The following LANCL3 variants were observed in gnomAD, a reference collection of about 807,000 sequenced individuals.
LANCL3 encodes LanC like family member 3, also known as lanC-like protein 3.
A neutral mutation model predicts 26.5 loss-of-function variants in LANCL3; 19 were observed. That is an observed-to-expected ratio of 0.72 (90% confidence interval 0.50 to 1.05). The LOEUF (loss-of-function observed/expected upper bound fraction) is 1.05. LANCL3 is among the 50% of genes least tolerant of loss of function. LANCL3 has a pLI of 0.00. For missense variants in LANCL3, 318 were observed against 362.7 expected (o/e 0.88, Z 1.00); for synonymous variants, 160 against 166.6 (o/e 0.96, Z 0.30).
At chrX:37,611,601 A>C (rs972940508) in intron 1 of LANCL3, among the ~76,000 whole-genome samples, 2 of 112,004 alleles carry the variant, frequency 1.8e-5, no homozygotes, top group Non-Finnish European at 3.8e-5. Context: ...GAAAGGACTG[A>C]TATAGACCAG....
intron 1 of LANCL3, among the ~76,000 whole-genome samples, chrX:37,632,511 T>G (rs782281759): frequency 0.015 from 1,696 of 111,345 alleles, 32 homozygotes; most frequent in African/African-American, 0.053. Flanking sequence ...GTTAGCTGGT[T>G]ATTTTGCTCG....
intron 1 of LANCL3, among the ~76,000 whole-genome samples, chrX:37,614,608 T>C (rs1187417780): frequency 1.8e-5 from 2 of 112,157 alleles, no homozygotes; most frequent in African/African-American, 6.5e-5. Context: ...ACCATGGTTG[T>C]CACTCTATGG....
At chrX:37,645,095 A>G (rs1024527854) in intron 1 of LANCL3, among the ~76,000 whole-genome samples, 8 of 112,696 alleles carry the variant, frequency 7.1e-5, no homozygotes, top group African/African-American at 2.6e-4. Flanking sequence ...ATCTAGTGAC[A>G]GTTGGTGCAG....
At chrX:37,598,699 TA>T (rs1924503016) in intron 1 of LANCL3, among the ~76,000 whole-genome samples, 1 of 112,727 alleles carries the variant, frequency 8.9e-6, no homozygotes, top group Non-Finnish European at 1.9e-5. Context: ...AAGATATTCA[TA>T]AAACTTTCTT....
chrX:37,597,953 A>G (rs1556419652), intron 1 of LANCL3, among the ~76,000 whole-genome samples: 6 of 110,521 alleles, frequency 5.4e-5, no homozygotes, highest in Admixed American at 9.6e-5. Context: ...CTTATTGGCC[A>G]TTTGCACATC....
At chrX:37,620,510 A>G (rs1181951227) in intron 1 of LANCL3, among the ~76,000 whole-genome samples, 1 of 111,903 alleles carries the variant, frequency 8.9e-6, no homozygotes, top group Non-Finnish European at 1.9e-5. Context: ...CAGAGTCTAC[A>G]TGGTCTTACA....
intron 2 of LANCL3, among the ~76,000 whole-genome samples, chrX:37,658,790 A>G (rs782173890): frequency 8.0e-5 from 9 of 112,372 alleles, no homozygotes; most frequent in Non-Finnish European, 1.5e-4. Flanking sequence ...CTGTATAACC[A>G]GGGTTAGACA....
intron 1 of LANCL3, among the ~76,000 whole-genome samples, chrX:37,586,669 T>C (rs782036076): frequency 8.9e-6 from 1 of 112,190 alleles, no homozygotes; most frequent in Admixed American, 9.4e-5. Context: ...AGGACCTCTC[T>C]ACACTAGTTG....
At chrX:37,582,469 G>A (rs145777600) in intron 1 of LANCL3, among the ~76,000 whole-genome samples, 4 of 111,735 alleles carry the variant, frequency 3.6e-5, no homozygotes, top group East Asian at 2.8e-4. Context: ...TTTAATGATC[G>A]TCATTCTAAC....
intron 1 of LANCL3, among the ~76,000 whole-genome samples, chrX:37,578,980 TAAAA>T (rs782094502): frequency 3.7e-5 from 2 of 53,729 alleles, no homozygotes; most frequent in Non-Finnish European, 6.9e-5. Context: ...ACTCCATCTC[TAAAA>T]AAAAAAAAAA....
At chrX:37,615,920 A>T (rs1556421650) in intron 1 of LANCL3, among the ~76,000 whole-genome samples, 1 of 112,405 alleles carries the variant, frequency 8.9e-6, no homozygotes, top group African/African-American at 3.2e-5. Context: ...CAAAATAATT[A>T]AAAAATAATG....
chrX:37,674,308 G>A (rs1383715310), intron 4 of LANCL3, among the ~76,000 whole-genome samples: 3 of 111,809 alleles, frequency 2.7e-5, no homozygotes, highest in Non-Finnish European at 5.7e-5. Flanking sequence ...TATTACTCTT[G>A]TTGCAGATAT....
intron 1 of LANCL3, among the ~76,000 whole-genome samples, chrX:37,632,821 C>G: frequency 8.9e-6 from 1 of 112,169 alleles, no homozygotes; most frequent in Non-Finnish European, 1.9e-5. Context: ...GCCAAGAGAT[C>G]AGCTGTTAGT....
intron 1 of LANCL3, among the ~76,000 whole-genome samples, chrX:37,655,020 C>A (rs911889992): frequency 2.7e-5 from 3 of 112,581 alleles, no homozygotes; most frequent in Non-Finnish European, 5.6e-5. Flanking sequence ...GCTTGAGAAC[C>A]GTTTAATCTC....
At chrX:37,587,973 T>C (rs1234522041) in intron 1 of LANCL3, among the ~76,000 whole-genome samples, 2 of 112,471 alleles carry the variant, frequency 1.8e-5, no homozygotes, top group East Asian at 2.8e-4. Flanking sequence ...GAGAACATAG[T>C]TCGTAGTTTT....
At chrX:37,661,979 C>G (rs1926431995) in intron 3 of LANCL3, among the ~76,000 whole-genome samples, 1 of 112,212 alleles carries the variant, frequency 8.9e-6, no homozygotes, top group Non-Finnish European at 1.9e-5. Flanking sequence ...AACCAGTTTA[C>G]TGACCTTAAG....
intron 1 of LANCL3, among the ~76,000 whole-genome samples, chrX:37,619,938 C>T (rs781990434): frequency 7.1e-5 from 8 of 112,477 alleles, no homozygotes; most frequent in African/African-American, 9.7e-5. Context: ...ATCTCTTCTT[C>T]AGAGCATTTT....
chrX:37,588,343 C>T (rs1336620591), intron 1 of LANCL3, among the ~76,000 whole-genome samples: 2 of 111,406 alleles, frequency 1.8e-5, no homozygotes, highest in Non-Finnish European at 3.8e-5. Context: ...TCTTTCTCTT[C>T]ATGATTCAAC....
intron 1 of LANCL3, among the ~76,000 whole-genome samples, chrX:37,629,955 C>T (rs1269572559): frequency 1.8e-5 from 2 of 111,222 alleles, no homozygotes; most frequent in East Asian, 5.6e-4. Flanking sequence ...TCCATATGAA[C>T]TTTAAAGTAG....
Sources: gnomAD v4.1 joint callset for allele counts (sites outside exome capture counted in the v4.1 genomes callset) on GRCh38, gnomAD v4.1.1 for gene constraint, MANE v1.5 for transcripts, NCBI Gene and HGNC (gene_info 2026-07-23, HGNC 2026-07-21) for gene names.